Variants in RSRC1 observed in about 807,000 individuals in gnomAD.
RSRC1 encodes the protein arginine and serine rich coiled-coil 1.
In RSRC1, 39 loss-of-function variants were observed where a neutral mutation model predicts 49.1. The observed-to-expected ratio is 0.79, with a 90% CI of 0.61 to 1.04. The LOEUF is 1.04. RSRC1 is among the 50% of genes least tolerant of loss of function. RSRC1 has a pLI of 0.00. For synonymous variants in RSRC1, 143 were observed against 130.8 expected (o/e 1.09, Z -0.63); for missense variants, 388 against 402.4 (o/e 0.96, Z 0.31).
chr3:158,382,256 G>A (rs1453120343), intron 6 of RSRC1, among the ~76,000 whole-genome samples: 1 of 152,058 alleles, frequency 6.6e-6, no homozygotes, highest in African/African-American at 2.4e-5. Flanking sequence ...TGATAATAGT[G>A]CCTTCTGTAA....
At chr3:158,199,842 T>G (rs1447612700) in intron 3 of RSRC1, among the ~76,000 whole-genome samples, 1 of 152,180 alleles carries the variant, frequency 6.6e-6, no homozygotes, top group Non-Finnish European at 1.5e-5. Context: ...ATTGTTAAAT[T>G]CTAATTTAAT....
intron 7 of RSRC1, among the ~76,000 whole-genome samples, chr3:158,490,430 G>A (rs1259204470): frequency 6.6e-6 from 1 of 152,166 alleles, no homozygotes; most frequent in Non-Finnish European, 1.5e-5. Context: ...TATTCTTAGT[G>A]CAATTCTTTA....
chr3:158,266,193 G>A (rs1725165874), intron 4 of RSRC1, among the ~76,000 whole-genome samples: 1 of 152,000 alleles, frequency 6.6e-6, no homozygotes, highest in African/African-American at 2.4e-5. Flanking sequence ...TTTCTCTGTA[G>A]TCCATTTGTT....
intron 4 of RSRC1, among the ~76,000 whole-genome samples, chr3:158,244,219 T>C (rs1723757851): frequency 6.6e-6 from 1 of 152,158 alleles, no homozygotes; most frequent in Non-Finnish European, 1.5e-5. Flanking sequence ...AGGAAATGCT[T>C]CCAGCTTTTG....
intron 3 of RSRC1, among the ~76,000 whole-genome samples, chr3:158,162,747 G>A (rs1718309019): frequency 6.6e-6 from 1 of 152,140 alleles, no homozygotes; most frequent in South Asian, 2.1e-4. Context: ...TATTAGTCAG[G>A]TAATTATAGA....
chr3:158,537,101 C>T lies in RSRC1; in HGVS notation c.662C>T (p.Thr221Ile), dbSNP rs1300938644. Residue 221 changes from threonine to isoleucine, a missense_variant, in exon 8 of 10, where the codon ACC becomes ATC. By Grantham distance (89) the Thr-to-Ile change is moderately conservative. Transcript: ENST00000611884. ...AKRRKEEDQA[T>I]LVEQVKRVKE... is the part of the protein sequence containing the mutation. ...ATACCCTCTTTTTCAGACCAAGCCA[C>T]CCTGGTAGAACAAGTAAAAAGAGTA... is the stretch of plus-strand genomic sequence containing the variant. 1.2e-5 allele frequency: 20 copies of T among 1,608,006 alleles called. No homozygotes were observed. The highest frequency in any genetic ancestry group is 1.5e-5 in the Non-Finnish European group (18 of 1,175,974).
At chr3:158,506,591 A>C (rs572113741) in intron 7 of RSRC1, among the ~76,000 whole-genome samples, 9 of 152,014 alleles carry the variant, frequency 5.9e-5, no homozygotes, top group African/African-American at 1.9e-4. Context: ...ATCACTAATT[A>C]TCAGGGAAGT....
intron 6 of RSRC1, among the ~76,000 whole-genome samples, chr3:158,442,501 T>A (rs1224138868): frequency 6.6e-6 from 1 of 152,096 alleles, no homozygotes; most frequent in Non-Finnish European, 1.5e-5. Context: ...TTCAGTCACA[T>A]CTTCATGCTC....
At chr3:158,123,555 C>G (rs538971594) in intron 2 of RSRC1, among the ~76,000 whole-genome samples, 11 of 152,290 alleles carry the variant, frequency 7.2e-5, no homozygotes, top group Admixed American at 4.6e-4. Flanking sequence ...GCCTCGGCCT[C>G]CCAACATGTT....
intron 6 of RSRC1, among the ~76,000 whole-genome samples, chr3:158,374,786 A>G (rs1732265810): frequency 6.6e-6 from 1 of 152,144 alleles, no homozygotes; most frequent in African/African-American, 2.4e-5. Context: ...AGGAATTTTG[A>G]ATTTAATACT....
At chr3:158,232,374 T>C (rs1723015301) in intron 4 of RSRC1, among the ~76,000 whole-genome samples, 1 of 152,132 alleles carries the variant, frequency 6.6e-6, no homozygotes, top group African/African-American at 2.4e-5. Flanking sequence ...ACAATTCTTT[T>C]TTCTTATCAG....
intron 5 of RSRC1, among the ~76,000 whole-genome samples, chr3:158,351,599 A>G (rs1350839654): frequency 6.6e-6 from 1 of 152,010 alleles, no homozygotes; most frequent in Non-Finnish European, 1.5e-5. Context: ...ATTTTGGACA[A>G]TTTTTTTAAA....
chr3:158,245,936 G>A (rs1460864314), intron 4 of RSRC1, among the ~76,000 whole-genome samples: 19 of 151,998 alleles, frequency 1.3e-4, no homozygotes, highest in Admixed American at 1.2e-3. Context: ...TTTATTTTGA[G>A]CCTGTAATGA....
chr3:158,152,354 ACT>A (rs913199201), intron 3 of RSRC1, among the ~76,000 whole-genome samples: 2 of 152,080 alleles, frequency 1.3e-5, no homozygotes, highest in African/African-American at 4.8e-5. Context: ...GTCCCAAGAA[ACT>A]CTTCAGTCCT....
chr3:158,177,949 A>G (rs1407496584), intron 3 of RSRC1, among the ~76,000 whole-genome samples: 1 of 152,184 alleles, frequency 6.6e-6, no homozygotes, highest in Non-Finnish European at 1.5e-5. Flanking sequence ...GAGAGAATTG[A>G]CACAAAATTT....
At chr3:158,182,485 T>C (rs951487850) in intron 3 of RSRC1, among the ~76,000 whole-genome samples, 1 of 152,184 alleles carries the variant, frequency 6.6e-6, no homozygotes, top group Non-Finnish European at 1.5e-5. Flanking sequence ...TTTCAAGATA[T>C]CCTACGTCTT....
chr3:158,341,063 A>G (rs1730208922), intron 5 of RSRC1, among the ~76,000 whole-genome samples: 1 of 152,198 alleles, frequency 6.6e-6, no homozygotes, highest in Non-Finnish European at 1.5e-5. Flanking sequence ...GCAGCAAAGC[A>G]TTCAAGAGGT....
rs1234476967 is a variant in RSRC1, at chr3:158,392,739, A to T, written c.583+37831A>T. On this transcript the variant is annotated intron_variant, in intron 6 of 9. Coordinates refer to ENST00000611884, the MANE Select transcript of RSRC1 (RefSeq NM_001271838.2). ...TCACACACTAATAGTGGAAGACTTC[A>T]ACACCTTGCTTGACGTTACTGGACA... Among the ~76,000 whole-genome samples the T allele has an allele frequency of 3.3e-5, 5 of 152,090 alleles. No homozygotes were observed. In the East Asian group the frequency reaches 9.6e-4, roughly 29 times the overall value.
intron 5 of RSRC1, among the ~76,000 whole-genome samples, chr3:158,333,631 A>G (rs963139655): frequency 6.6e-6 from 1 of 152,236 alleles, no homozygotes; most frequent in Non-Finnish European, 1.5e-5. Context: ...CTTTTCATTG[A>G]GTGAGGACAA....
Sources: gnomAD v4.1 joint callset for allele counts (sites outside exome capture counted in the v4.1 genomes callset) on GRCh38, gnomAD v4.1.1 for gene constraint, MANE v1.5 for transcripts, NCBI Gene and HGNC (gene_info 2026-07-23, HGNC 2026-07-21) for gene names.